RBFOX1: variants seen among roughly 807,000 people sequenced by gnomAD.
The protein encoded by RBFOX1 is RNA binding protein fox-1 homolog 1.
In RBFOX1, 8 loss-of-function variants were observed where a neutral mutation model predicts 57.7. The ratio of observed to expected loss-of-function variants is 0.14; its 90% CI spans 0.08 to 0.25. The LOEUF (loss-of-function observed/expected upper bound fraction) is 0.25. RBFOX1 is among the 10% of genes least tolerant of loss of function. RBFOX1 has a pLI of 1.00. For synonymous variants in RBFOX1, 326 were observed against 222.4 expected, an observed-to-expected ratio of 1.47 and a Z score of -4.15; for missense variants, 611 against 548.5, an observed-to-expected ratio of 1.11 and a Z score of -1.14.
intron 3 of RBFOX1, among the ~76,000 whole-genome samples, chr16:6,863,126 G>A (rs573492116): frequency 1.3e-5 from 2 of 152,238 alleles, no homozygotes; most frequent in South Asian, 4.2e-4. Context: ...GAGAGTGGAT[G>A]AAGAGAAATT....
At chr16:7,449,744 G>A (rs1177959956) in intron 4 of RBFOX1, among the ~76,000 whole-genome samples, 4 of 141,922 alleles carry the variant, frequency 2.8e-5, no homozygotes, top group Non-Finnish European at 6.1e-5. Flanking sequence ...GGGGGGGGTT[G>A]TTTTGTTTTG....
intron 1 of RBFOX1, among the ~76,000 whole-genome samples, chr16:5,346,440 G>C (rs535066582): frequency 1.3e-5 from 2 of 152,196 alleles, no homozygotes; most frequent in Non-Finnish European, 2.9e-5. Context: ...TTTGAACCAC[G>C]TCTCAAGGGA....
chr16:7,115,693 G>C (rs967598844), intron 4 of RBFOX1, among the ~76,000 whole-genome samples: 1 of 152,222 alleles, frequency 6.6e-6, no homozygotes, highest in Non-Finnish European at 1.5e-5. Flanking sequence ...CCAAGACAGA[G>C]AATCCAGTCG....
chr16:7,263,796 A>G (rs2095022078), intron 4 of RBFOX1, among the ~76,000 whole-genome samples: 1 of 151,936 alleles, frequency 6.6e-6, no homozygotes, highest in African/African-American at 2.4e-5. Context: ...CTCAAGAGGT[A>G]GGCTGAGGCG....
At chr16:6,202,854 C>T (rs2097223979) in intron 1 of RBFOX1, among the ~76,000 whole-genome samples, 1 of 152,100 alleles carries the variant, frequency 6.6e-6, no homozygotes, top group African/African-American at 2.4e-5. Context: ...GTGGCACAAT[C>T]AGAGCTCACG....
chr16:6,806,836 A>ATATATATAT (rs754342591), intron 3 of RBFOX1, among the ~76,000 whole-genome samples: 93 of 91,874 alleles, frequency 1.0e-3, no homozygotes, highest in Non-Finnish European at 1.4e-3. Flanking sequence ...ATATATATAT[A>ATATATATAT]TTTTTTTTTT....
intron 2 of RBFOX1, among the ~76,000 whole-genome samples, chr16:5,490,450 G>C (rs201520096): frequency 1.4e-3 from 207 of 152,286 alleles, no homozygotes; most frequent in Non-Finnish European, 2.3e-3. Context: ...GTAGGTGCTC[G>C]GCCTTGTGGA....
chr16:6,906,240 C>CCA lies in RBFOX1; in HGVS notation c.-15-145816_-15-145815insAC, dbSNP rs1555608864. ...GGCAACCCCAAAAAGCAATTTATTACCCCCCCCCAAAATATACATTGTCAT... is the reference window on the plus strand; with the variant it reads ...GGCAACCCCAAAAAGCAATTTATTACCACCCCCCCCAAAATATACATTGTCAT... On this transcript the variant is annotated intron_variant, in intron 3 of 15. Transcript: ENST00000550418. Among the ~76,000 whole-genome samples the CCA allele has an allele frequency of 4.5e-5, 3 of 67,038 alleles. No homozygotes were observed. In the African/African-American group the frequency reaches 4.6e-4, roughly 10 times the overall value. The allele number at this position is 67,038 out of a possible 152,430, so 44.0% of individuals were successfully genotyped here. A position where few individuals can be genotyped will look rare whatever the true frequency, so the allele number is the denominator to read the frequency against.
chr16:6,291,782 G>A (rs900359932), intron 1 of RBFOX1, among the ~76,000 whole-genome samples: 27 of 152,142 alleles, frequency 1.8e-4, no homozygotes, highest in Admixed American at 7.9e-4. Context: ...TTTAAATATT[G>A]AAACCTTGAA....
chr16:7,578,481 C>T (rs2093501172), intron 5 of RBFOX1, among the ~76,000 whole-genome samples: 1 of 152,114 alleles, frequency 6.6e-6, no homozygotes, highest in African/African-American at 2.4e-5. Context: ...TGAAACCTTC[C>T]AGTACATACC....
rs1567491011 is a variant in RBFOX1, at chr16:5,425,062, T to TATTTA, written c.220-42154_220-42153insATTTA. ...CTCTCTCTCTCTCTCCTTCCTTCCT[T>TATTTA]TCTTATCTATCTATCTATCTATCTA... On this transcript the variant is annotated intron_variant, in intron 1 of 2. Coordinates refer to the RBFOX1 transcript ENST00000585867. 3.7e-5 allele frequency among the ~76,000 whole-genome samples: 4 copies of TATTTA among 106,984 alleles called. 1 individual carries two copies. The East Asian group carries it at 1.1e-3, about 30-fold the overall frequency. 70.2% of individuals were successfully genotyped at this position (106,984 alleles called of 152,430 possible).
intron 2 of RBFOX1, among the ~76,000 whole-genome samples, chr16:6,520,416 C>G (rs1044705577): frequency 6.6e-6 from 1 of 152,050 alleles, no homozygotes; most frequent in Admixed American, 6.6e-5. Flanking sequence ...ACTATAAAAT[C>G]CTAATTTTTA....
chr16:6,070,145 TATG>T (rs2152482603), intron 1 of RBFOX1, among the ~76,000 whole-genome samples: 1 of 152,340 alleles, frequency 6.6e-6, no homozygotes, highest in South Asian at 2.1e-4. Flanking sequence ...CTAGTAATAA[TATG>T]AGAACTTTGT....
intron 3 of RBFOX1, among the ~76,000 whole-genome samples, chr16:6,700,120 A>C (rs901235740): frequency 1.3e-5 from 2 of 152,082 alleles, no homozygotes; most frequent in Non-Finnish European, 2.9e-5. Flanking sequence ...GGTACCTGGA[A>C]ATTGTAGAGG....
chr16:6,580,034 C>G (rs2097512496), intron 2 of RBFOX1, among the ~76,000 whole-genome samples: 1 of 152,120 alleles, frequency 6.6e-6, no homozygotes, highest in African/African-American at 2.4e-5. Flanking sequence ...TCTCAGATCA[C>G]TGCAACTTCT....
chr16:6,892,786 C>T (rs796948093), intron 3 of RBFOX1, among the ~76,000 whole-genome samples: 1 of 72,786 alleles, frequency 1.4e-5, no homozygotes, highest in African/African-American at 4.5e-5. Flanking sequence ...CTCTCTCTCT[C>T]TCTCTCTCTC....
chr16:6,941,842 C>G (rs928706583), intron 3 of RBFOX1, among the ~76,000 whole-genome samples: 2 of 152,050 alleles, frequency 1.3e-5, no homozygotes, highest in African/African-American at 4.8e-5. Context: ...TTCCCCCTAA[C>G]TCTTTCCCAT....
chr16:7,020,414 T>C (rs2038648070), intron 3 of RBFOX1, among the ~76,000 whole-genome samples: 1 of 151,996 alleles, frequency 6.6e-6, no homozygotes, highest in Non-Finnish European at 1.5e-5. Context: ...AGAGATGAGG[T>C]TTCACCATGC....
At chr16:6,590,102 G>A (rs759461214) in intron 2 of RBFOX1, among the ~76,000 whole-genome samples, 5 of 152,344 alleles carry the variant, frequency 3.3e-5, no homozygotes, top group Non-Finnish European at 7.3e-5. Flanking sequence ...AAGAATGATA[G>A]CGTTTTGTAA....
Sources: allele counts gnomAD v4.1 joint callset (sites outside exome capture counted in the v4.1 genomes callset), GRCh38; gene constraint gnomAD v4.1.1; transcripts MANE v1.5; gene names NCBI Gene and HGNC (gene_info 2026-07-23, HGNC 2026-07-21).